Variants in CCDC157 observed in about 807,000 individuals in gnomAD.
The protein encoded by CCDC157 is coiled-coil domain-containing protein 157.
In CCDC157, 60 loss-of-function variants were observed where a neutral mutation model predicts 70.9. The observed-to-expected ratio is 0.85, with a 90% CI of 0.69 to 1.05. CCDC157 has a LOEUF of 1.05. Ranked by LOEUF, CCDC157 falls within the 50% of genes least tolerant of loss-of-function variation. CCDC157 has a pLI of 0.00. For missense variants in CCDC157, 943 were observed against 984.2 expected (o/e 0.96, Z 0.56); for synonymous variants, 373 against 422.4 (o/e 0.88, Z 1.43).
chr22:30,374,896 T>C, intron 9 of CCDC157: 1 of 268,588 alleles, frequency 3.7e-6, no homozygotes, highest in Non-Finnish European at 6.7e-6. Flanking sequence ...CTGTAGCCTG[T>C]CCAAAACGGG....
At chr22:30,370,191 G>T (rs964468581) in intron 4 of CCDC157, 135 bp from the exon 5 acceptor site, 1 of 958,938 alleles carries the variant, frequency 1.0e-6, no homozygotes, top group Non-Finnish European at 1.6e-6. Flanking sequence ...TATTCACGTC[G>T]GTGTCAGAGA....
intron 3 of CCDC157, among the ~76,000 whole-genome samples, chr22:30,368,653 C>A (rs115300332): frequency 0.013 from 1,945 of 152,262 alleles, 27 homozygotes; most frequent in African/African-American, 0.044. Context: ...AGGGGCGGGG[C>A]CTTGGAGGCA....
In CCDC157 at chr22:30,374,063, G is replaced by A. The variant is rs143587351; in HGVS notation, c.1644G>A (p.Leu548=). 1 of 1,594,696 alleles carries A rather than the reference G, an allele frequency of 6.3e-7. No individual in the cohort carries two copies. The highest frequency in any genetic ancestry group is 8.5e-7 in the Non-Finnish European group (1 of 1,171,628). ...GGCTGCTGGTGGCCTTCCCAGACCT[G>A]CACAGGCCCACCGAGACCCAGATCC... The part of the protein sequence containing the change: ...RERLLVAFPD[L]HRPTETQIHG... The change falls in exon 9 of 12, where the codon CTG becomes CTA. Residue 548 remains leucine (L), a synonymous_variant. Transcript: ENST00000338306.
At chr22:30,363,783 G>T in intron 2 of CCDC157, among the ~76,000 whole-genome samples, 1 of 149,902 alleles carries the variant, frequency 6.7e-6, no homozygotes, top group East Asian at 2.0e-4. Context: ...CCACCTCCGG[G>T]ATCAAGCAGT....
intron 3 of CCDC157, chr22:30,366,503 A>G (rs1932747001): frequency 1.9e-6 from 1 of 540,346 alleles, no homozygotes. Context: ...TTTCCATTCC[A>G]TCGGTCTCTG....
At chr22:30,361,644 C>T (rs1262972701) in intron 1 of CCDC157, among the ~76,000 whole-genome samples, 3 of 152,190 alleles carry the variant, frequency 2.0e-5, no homozygotes, top group African/African-American at 7.2e-5. Context: ...AAGGACAGAG[C>T]AGAGATGGTG....
chr22:30,362,620 C>T (rs1042469538), intron 2 of CCDC157, among the ~76,000 whole-genome samples: 4 of 152,156 alleles, frequency 2.6e-5, no homozygotes, highest in African/African-American at 9.7e-5. Flanking sequence ...CCATGTACAA[C>T]CAGGATGGAC....
intron 1 of CCDC157, among the ~76,000 whole-genome samples, chr22:30,359,106 C>T (rs1320712497): frequency 6.6e-6 from 1 of 152,216 alleles, no homozygotes; most frequent in African/African-American, 2.4e-5. Flanking sequence ...GGTGCCTTCA[C>T]AAGCAAGCTT....
At chr22:30,375,718 C>G in intron 10 of CCDC157, 55 bp downstream of exon 10, 1 of 1,486,884 alleles carries the variant, frequency 6.7e-7, no homozygotes, top group Non-Finnish European at 9.1e-7. Context: ...TATCCAGCAG[C>G]AGGTCTTCAG....
intron 2 of CCDC157, among the ~76,000 whole-genome samples, chr22:30,364,171 C>T (rs1453726744): frequency 6.6e-6 from 1 of 152,058 alleles, no homozygotes; most frequent in Non-Finnish European, 1.5e-5. Context: ...ATGTTACCCC[C>T]CCAAAATAAT....
At chr22:30,375,707 C>T (rs771333080) in intron 10 of CCDC157, 44 bp downstream of exon 10, 6 of 1,539,988 alleles carry the variant, frequency 3.9e-6, no homozygotes, top group Non-Finnish European at 5.3e-6. Flanking sequence ...GAGGAAGCCC[C>T]TATCCAGCAG....
rs1555987327 is a variant in CCDC157, at chr22:30,372,123, C to CT, written c.1172_1173insT (p.Glu392GlyfsTer41). 1.3e-6 allele frequency: 2 copies of CT among 1,559,496 alleles called. No homozygotes were observed. Among genetic ancestry groups the CT allele is most frequent in the Non-Finnish European group, 1.7e-6 (2 of 1,152,560 alleles). On this transcript the variant is annotated frameshift_variant, in exon 7 of 12. Coordinates refer to ENST00000338306, the MANE Select transcript of CCDC157 (RefSeq NM_001017437.5). LOFTEE classifies it high-confidence loss of function. Reference sequence around the variant, plus strand: ...GAGGAAGGTGAGCGCAGGGCGGCAGCGGAGAGGCAGGTGCAGCAGCTGGAG... The same window carrying CT: ...GAGGAAGGTGAGCGCAGGGCGGCAGCTGGAGAGGCAGGTGCAGCAGCTGGAG...
Position 30,373,588 on chromosome 22 carries a change from C to A in CCDC157, c.1336-9C>A, listed in dbSNP as rs1446816166. On this transcript the variant is annotated splice_polypyrimidine_tract_variant and intron_variant, in intron 7 of 11. Transcript: ENST00000338306. ...CTCACAGCCTCCCTGCTTGTCCGTT[C>A]CTGCTTAGTCTCTGCAGGCCAAGCA... is the stretch of plus-strand genomic sequence containing the variant. The A allele has an allele frequency of 1.3e-6, 2 of 1,552,814 alleles. No homozygotes were observed. The highest frequency in any genetic ancestry group is 2.4e-5 in the East Asian group (1 of 41,102).
In CCDC157 at chr22:30,377,015, G is replaced by C. The variant is rs1933410758; in HGVS notation, c.*270G>C. ...GCTGTGGGATAGGAGAGTACACCCA[G>C]GGCAGAGGAAGCTCCTAAGACCTGG... On this transcript the variant is annotated 3_prime_UTR_variant, in exon 12 of 12. Coordinates refer to ENST00000338306, the MANE Select transcript of CCDC157 (RefSeq NM_001017437.5). 1.9e-6 allele frequency: 1 copy of C among 536,362 alleles called. No individual in the cohort carries two copies. The highest frequency in any genetic ancestry group is 3.3e-6 in the Non-Finnish European group (1 of 298,964). The allele number at this position is 536,362 out of a possible 1,614,324, so 33.2% of individuals were successfully genotyped here. A position where few individuals can be genotyped will look rare whatever the true frequency, so the allele number is the denominator to read the frequency against.
At chr22:30,375,910 G>A (rs994506830) in intron 10 of CCDC157, 12 of 558,306 alleles carry the variant, frequency 2.1e-5, no homozygotes, top group Admixed American at 7.2e-5. Context: ...TCGTCAGGCC[G>A]GGTGCGGCGG....
rs368250287 is a variant in CCDC157, at chr22:30,375,578, G to A, written c.1772G>A (p.Arg591His). 2.8e-5 allele frequency: 46 copies of A among 1,614,060 alleles called. No homozygotes were observed. The highest frequency in any genetic ancestry group is 5.3e-5 in the African/African-American group (4 of 74,936). Residue 591 changes from arginine (R) to histidine (H), a missense_variant, in exon 10 of 12, where the codon CGC becomes CAC. By Grantham distance (29) the Arg-to-His change is conservative (BLOSUM62 0). Coordinates refer to ENST00000338306, the MANE Select transcript of CCDC157 (RefSeq NM_001017437.5). The stretch of plus-strand genomic sequence containing the variant: ...AGGCAAGTGCAGTCCAACGACATCC[G>A]CATCCGGGTCCTACAGGAGGAGAAC... ...MERQVQSNDI[R>H]IRVLQEENGR... is the part of the protein sequence containing the mutation.
intron 10 of CCDC157, 136 bp downstream of exon 10, chr22:30,375,799 T>C: frequency 1.3e-6 from 1 of 752,866 alleles, no homozygotes; most frequent in South Asian, 1.9e-5. Flanking sequence ...TTGTGAAACA[T>C]TTTTCACATT....
intron 3 of CCDC157, among the ~76,000 whole-genome samples, chr22:30,367,250 C>CT (rs112318250): frequency 0.04 from 5,710 of 143,574 alleles, 372 homozygotes; most frequent in African/African-American, 0.14. Flanking sequence ...TGGTGCATGC[C>CT]TTTTTTTTTT....
rs1486399180 is a variant in CCDC157, at chr22:30,374,163, G to A, written c.1672+72G>A. On this transcript the variant is annotated intron_variant, in intron 9 of 11. Transcript: ENST00000338306. ...AGCAGCTGAGGGCTCGTGTGGGCAG[G>A]ACACTGGGGACTGCAGCTCCCTAGC... The A allele has an allele frequency of 3.3e-6, 5 of 1,499,874 alleles. No homozygotes were observed. The Admixed American group carries it at 8.5e-5, about 25-fold the overall frequency. 92.9% of individuals were successfully genotyped at this position (1,499,874 alleles called of 1,614,324 possible).
Sources: gnomAD v4.1 joint callset for allele counts (sites outside exome capture counted in the v4.1 genomes callset) on GRCh38, gnomAD v4.1.1 for gene constraint, MANE v1.5 for transcripts, NCBI Gene and HGNC (gene_info 2026-07-23, HGNC 2026-07-21) for gene names.